The following ARHGAP6 variants were observed in gnomAD, a reference collection of about 807,000 sequenced individuals.
ARHGAP6 encodes the protein Rho GTPase activating protein 6, also known as rho GTPase-activating protein 6.
A neutral mutation model predicts 55.7 loss-of-function variants in ARHGAP6; 16 were observed. The observed-to-expected ratio is 0.29, with a 90% CI of 0.19 to 0.44. The LOEUF (loss-of-function observed/expected upper bound fraction) is 0.44. Ranked by LOEUF, ARHGAP6 falls within the 20% of genes least tolerant of loss-of-function variation. The pLI is 1.00. For synonymous variants in ARHGAP6, 382 were observed against 360.9 expected (o/e 1.06, Z -0.66); for missense variants, 698 against 808.9 (o/e 0.86, Z 1.66).
At chrX:11,292,222 G>T (rs906047562) in intron 1 of ARHGAP6, among the ~76,000 whole-genome samples, 4 of 111,556 alleles carry the variant, frequency 3.6e-5, no homozygotes, top group African/African-American at 1.3e-4. Flanking sequence ...ACTGTATCTG[G>T]GTAGATATTC....
At chrX:11,354,797 A>G (rs1321424794) in intron 1 of ARHGAP6, among the ~76,000 whole-genome samples, 1 of 111,531 alleles carries the variant, frequency 9.0e-6, no homozygotes, top group Non-Finnish European at 1.9e-5. Flanking sequence ...CTACCACCAC[A>G]GGTACCTGGT....
At chrX:11,180,095 A>G (rs921067283) in intron 6 of ARHGAP6, among the ~76,000 whole-genome samples, 20 of 111,119 alleles carry the variant, frequency 1.8e-4, no homozygotes, top group African/African-American at 4.6e-4. Flanking sequence ...CAATAACTAA[A>G]TAAAAGCTGT....
chrX:11,286,894 G>C (rs778804273), intron 1 of ARHGAP6, among the ~76,000 whole-genome samples: 1 of 112,113 alleles, frequency 8.9e-6, no homozygotes, highest in African/African-American at 3.2e-5. Flanking sequence ...ATTGGTAGTT[G>C]TCTTGTGCTA....
At chrX:11,626,582 A>T (rs1375806919) in intron 1 of ARHGAP6, among the ~76,000 whole-genome samples, 1 of 112,067 alleles carries the variant, frequency 8.9e-6, no homozygotes, top group Non-Finnish European at 1.9e-5. Context: ...GGATGGTTCA[A>T]TGGAAAAGCA....
At chrX:11,386,761 A>G (rs1242815618) in intron 1 of ARHGAP6, among the ~76,000 whole-genome samples, 2 of 112,547 alleles carry the variant, frequency 1.8e-5, no homozygotes, top group Admixed American at 9.4e-5. Flanking sequence ...ATGAATAAAA[A>G]AGAGCACAAA....
intron 1 of ARHGAP6, among the ~76,000 whole-genome samples, chrX:11,640,033 C>T (rs2147185688): frequency 8.9e-6 from 1 of 111,783 alleles, no homozygotes; most frequent in Non-Finnish European, 1.9e-5. Flanking sequence ...TAGATGACTG[C>T]TGATGTTAAT....
At chrX:11,358,008 A>G (rs1434433814) in intron 1 of ARHGAP6, among the ~76,000 whole-genome samples, 1 of 111,607 alleles carries the variant, frequency 9.0e-6, no homozygotes, top group African/African-American at 3.3e-5. Context: ...CATCACCTTA[A>G]AAAGAAATCC....
intron 1 of ARHGAP6, among the ~76,000 whole-genome samples, chrX:11,287,395 G>A (rs190904764): frequency 1.8e-5 from 2 of 111,919 alleles, no homozygotes; most frequent in African/African-American, 3.3e-5. Context: ...GGGGTCTTGC[G>A]TCTGCTCTGA....
At chrX:11,542,586 A>C (rs1262810719) in intron 1 of ARHGAP6, among the ~76,000 whole-genome samples, 1 of 111,189 alleles carries the variant, frequency 9.0e-6, no homozygotes, top group East Asian at 2.8e-4. Flanking sequence ...GGGGTGGAAG[A>C]AACCATCTAT....
chrX:11,251,056 T>C (rs1190814638), intron 2 of ARHGAP6, among the ~76,000 whole-genome samples: 1 of 111,878 alleles, frequency 8.9e-6, no homozygotes, highest in Non-Finnish European at 1.9e-5. Context: ...ATGTTTATTT[T>C]TCATTTAAAA....
At chrX:11,318,978 G>T (rs919449452) in intron 1 of ARHGAP6, among the ~76,000 whole-genome samples, 1 of 111,941 alleles carries the variant, frequency 8.9e-6, no homozygotes, top group African/African-American at 3.2e-5. Context: ...AATGGAAAAT[G>T]GTTCAACAAA....
chrX:11,266,033 CTGTGTG>C (rs56408947), intron 1 of ARHGAP6: 5,181 of 166,924 alleles, frequency 0.031, 128 homozygotes, highest in Admixed American at 0.039. Flanking sequence ...GCGTGTGTGC[CTGTGTG>C]TGTGTGTGTG....
intron 1 of ARHGAP6, among the ~76,000 whole-genome samples, chrX:11,369,535 C>G (rs2049120849): frequency 9.0e-6 from 1 of 111,686 alleles, no homozygotes; most frequent in African/African-American, 3.3e-5. Context: ...CCTCATCACT[C>G]ATACCTTTGT....
In ARHGAP6 at chrX:11,612,431, T is replaced by G. The variant is rs1201531328; in HGVS notation, c.588+51810A>C. Among the ~76,000 whole-genome samples the G allele has an allele frequency of 2.7e-5, 3 of 111,708 alleles. No homozygotes were observed. In the East Asian group the frequency reaches 8.4e-4, roughly 31 times the overall value. ...GGGATGGGAGATACTATAAACGGAATGTTTGTGTACCCCTCAAATTCACAT... is the reference window on the plus strand; with the variant it reads ...GGGATGGGAGATACTATAAACGGAAGGTTTGTGTACCCCTCAAATTCACAT... On this transcript the variant is annotated intron_variant, in intron 1 of 12. Transcript: ENST00000337414.
intron 3 of ARHGAP6, among the ~76,000 whole-genome samples, chrX:11,195,037 G>T (rs1434729277): frequency 8.9e-6 from 1 of 112,306 alleles, no homozygotes; most frequent in Non-Finnish European, 1.9e-5. Context: ...ATACCATTCA[G>T]CAACCACTTC....
In ARHGAP6 at chrX:11,177,245, A is replaced by G. The variant is rs774477803; in HGVS notation, c.1629+855T>C. 3.6e-5 allele frequency among the ~76,000 whole-genome samples: 4 copies of G among 110,300 alleles called. No homozygotes were observed. The South Asian group carries it at 1.2e-3, about 33-fold the overall frequency. ...AAGGTGAAGATTAAATACGTTGCCC[A>G]TAAGTAAGCAACTTAAAATTCAAGC... On this transcript the variant is annotated intron_variant, in intron 8 of 12. Transcript: ENST00000337414.
chrX:11,574,127 G>A (rs2051566614), intron 1 of ARHGAP6, among the ~76,000 whole-genome samples: 1 of 110,642 alleles, frequency 9.0e-6, no homozygotes, highest in Non-Finnish European at 1.9e-5. Flanking sequence ...TGGATTCACA[G>A]CCGAATTCTA....
rs960724103 is a variant in ARHGAP6 at position 11,332,613 on chromosome X, A to G, written c.589-77906T>C. On this transcript the variant is annotated intron_variant, in intron 1 of 12. Coordinates refer to ENST00000337414, the MANE Select transcript of ARHGAP6 (RefSeq NM_013427.3). ...TTAGACTAAACTTTTTTATTTTGAG[A>G]TAATTTTAGATTCACATTCATTTGT... 4.5e-5 allele frequency among the ~76,000 whole-genome samples: 5 copies of G among 111,903 alleles called. No individual in the cohort carries two copies. The Admixed American group carries it at 4.7e-4, about 11-fold the overall frequency.
At chrX:11,369,190 GT>G (rs1189526745) in intron 1 of ARHGAP6, among the ~76,000 whole-genome samples, 1 of 111,010 alleles carries the variant, frequency 9.0e-6, no homozygotes, top group Non-Finnish European at 1.9e-5. Flanking sequence ...TTGTTTGTTT[GT>G]TTTTTTGCCT....
Sources: gnomAD v4.1 joint callset for allele counts (sites outside exome capture counted in the v4.1 genomes callset) on GRCh38, gnomAD v4.1.1 for gene constraint, MANE v1.5 for transcripts, NCBI Gene and HGNC (gene_info 2026-07-23, HGNC 2026-07-21) for gene names.